The following COL22A1 variants were observed in gnomAD, a reference collection of about 807,000 sequenced individuals.
COL22A1 encodes collagen alpha-1(XXII) chain.
In COL22A1, 221 loss-of-function variants were observed where a neutral mutation model predicts 248.9. The ratio of observed to expected loss-of-function variants is 0.89; its 90% CI spans 0.80 to 0.99. The LOEUF (loss-of-function observed/expected upper bound fraction) is 0.99, where lower values mean the gene tolerates loss of function less well. COL22A1 is among the 50% of genes least tolerant of loss of function. The probability of loss-of-function intolerance (pLI) is 0.00; values close to 1 mark genes in which losing one functional copy is unlikely to be tolerated. For synonymous variants in COL22A1, 891 were observed against 793.4 expected (o/e 1.12, Z -2.07); for missense variants, 2,240 against 2,179.0 (o/e 1.03, Z -0.56).
chr8:138,831,919 A>G (rs1371107628), intron 5 of COL22A1, among the ~76,000 whole-genome samples: 1 of 152,214 alleles, frequency 6.6e-6, no homozygotes, highest in East Asian at 1.9e-4. Context: ...ACTGGGCTGC[A>G]TTCCCAGATG....
At chr8:138,649,864 T>G (rs73432827) in intron 45 of COL22A1, 86 bp from the exon 46 acceptor site, 3 of 768,972 alleles carry the variant, frequency 3.9e-6, no homozygotes, top group Non-Finnish European at 6.2e-6. Flanking sequence ...CTGGCTGCTA[T>G]CTCTCCAGAT....
chr8:138,730,506 C>T (rs1200512346), intron 23 of COL22A1, among the ~76,000 whole-genome samples: 2 of 152,062 alleles, frequency 1.3e-5, no homozygotes, highest in Admixed American at 6.6e-5. Context: ...TCTGGTGTCC[C>T]GGGAAAAGCA....
At chr8:138,844,531 T>C (rs1004226575) in intron 3 of COL22A1, among the ~76,000 whole-genome samples, 3 of 152,106 alleles carry the variant, frequency 2.0e-5, no homozygotes, top group Non-Finnish European at 4.4e-5. Context: ...ACAGATACAA[T>C]AACTAATCTA....
chr8:138,676,454 A>AAAGAAAGAAAGG lies in COL22A1; in HGVS notation c.3150+103_3150+104insCCTTTCTTTCTT, dbSNP rs71582022. On this transcript the variant is annotated intron_variant, in intron 41 of 64. Coordinates refer to ENST00000303045, the MANE Select transcript of COL22A1 (RefSeq NM_152888.3). ...GAAAGAAAGAAAGAAAGAAAGAAAG[A>AAAGAAAGAAAGG]AAGGAAGAAAGAAAGAAAGAAAAGA... 1,604 of 415,366 alleles carry AAAGAAAGAAAGG rather than the reference A, an allele frequency of 3.9e-3. 53 individuals carry two copies. The highest frequency in any genetic ancestry group is 8.2e-3 in the Middle Eastern group (23 of 2,806). The allele number at this position is 415,366 out of a possible 1,614,324, so 25.7% of individuals were successfully genotyped here.
chr8:138,813,095 C>A (rs1374411360), intron 7 of COL22A1, 76 bp from the exon 8 acceptor site: 42 of 1,111,224 alleles, frequency 3.8e-5, no homozygotes, highest in Non-Finnish European at 5.5e-5. Flanking sequence ...TTCACACAGG[C>A]CCCGTCCTGG....
intron 59 of COL22A1, 36 bp downstream of exon 59, chr8:138,604,698 G>C (rs533690433): frequency 6.2e-7 from 1 of 1,602,732 alleles, no homozygotes; most frequent in South Asian, 1.1e-5. Flanking sequence ...TGGTGGTAAA[G>C]GGTTGCCAAG....
intron 6 of COL22A1, among the ~76,000 whole-genome samples, chr8:138,821,900 C>A (rs1024878796): frequency 5.9e-5 from 9 of 152,182 alleles, no homozygotes; most frequent in Non-Finnish European, 1.0e-4. Context: ...GAGGATAAAG[C>A]TGGGGCTCCC....
At chr8:138,630,549 T>A in intron 50 of COL22A1, 146 bp downstream of exon 50, 2 of 708,252 alleles carry the variant, frequency 2.8e-6, no homozygotes, top group East Asian at 2.5e-5. Context: ...TCCAGCAGTT[T>A]CATTGCAAGA....
chr8:138,671,065 C>T (rs969561158), intron 41 of COL22A1, among the ~76,000 whole-genome samples: 1 of 147,424 alleles, frequency 6.8e-6, no homozygotes, highest in African/African-American at 2.5e-5. Flanking sequence ...TGGGCTTGAA[C>T]TGTGTAGGTC....
In COL22A1 at chr8:138,878,261, C is replaced by T. The variant is rs1823904137; in HGVS notation, c.147G>A (p.Val49=). ...GGACCTTCTCAAAGTCCTCCTTGCC[C>T]ACGCTGGAGGAGGTGTCCAGGAGGA... ...LVFLLDTSSS[V]GKEDFEKVRQ... is the part of the protein sequence containing the mutation. The change falls in exon 3 of 65, where the codon GTG becomes GTA. Residue 49 remains valine (V), a synonymous_variant. Coordinates refer to ENST00000303045, the MANE Select transcript of COL22A1 (RefSeq NM_152888.3). 6.3e-7 allele frequency: 1 copy of T among 1,585,110 alleles called. No individual in the cohort carries two copies. The highest frequency in any genetic ancestry group is 1.3e-5 in the African/African-American group (1 of 74,472).
chr8:138,878,454 G>T, intron 2 of COL22A1, 138 bp from the exon 3 acceptor site: 2 of 719,630 alleles, frequency 2.8e-6, no homozygotes, highest in Non-Finnish European at 4.3e-6. Flanking sequence ...AAGGGCCCTG[G>T]GCTGCCTGAA....
intron 27 of COL22A1, among the ~76,000 whole-genome samples, chr8:138,720,393 G>GATA (rs1268706159): frequency 2.0e-4 from 30 of 152,186 alleles, no homozygotes; most frequent in South Asian, 4.2e-4. Context: ...AGACGCTGAT[G>GATA]ATATTCTTCT....
rs73437386 is a variant in COL22A1 at position 138,760,237 on chromosome 8, G to A, written c.1902+6C>T. On this transcript the variant is annotated splice_donor_region_variant and intron_variant, in intron 18 of 64. Coordinates refer to ENST00000303045, the MANE Select transcript of COL22A1 (RefSeq NM_152888.3). Reference sequence around the variant, plus strand: ...CAGAGCCCTTGACAGCCCCAGGCTCGCTCACCTTTTCTCCCTGGGGTCCTG... The same window carrying A: ...CAGAGCCCTTGACAGCCCCAGGCTCACTCACCTTTTCTCCCTGGGGTCCTG... The A allele has an allele frequency of 0.043, 67,680 of 1,569,876 alleles. 1,717 individuals are homozygous for A. Among genetic ancestry groups the A allele is most frequent in the African/African-American group, 0.048 (3,511 of 73,608 alleles).
chr8:138,746,983 C>A (rs16909544), intron 22 of COL22A1, among the ~76,000 whole-genome samples: 3,417 of 152,298 alleles, frequency 0.022, 128 homozygotes, highest in African/African-American at 0.078. Context: ...AAAACCCCAG[C>A]ATGAGCAACC....
chr8:138,613,526 G>C (rs1819073660), intron 56 of COL22A1, among the ~76,000 whole-genome samples: 1 of 152,160 alleles, frequency 6.6e-6, no homozygotes, highest in Non-Finnish European at 1.5e-5. Context: ...CATGGTACTT[G>C]GTTACAGCAG....
At chr8:138,614,633 T>A (rs900560511) in intron 55 of COL22A1, among the ~76,000 whole-genome samples, 3 of 151,530 alleles carry the variant, frequency 2.0e-5, no homozygotes, top group Admixed American at 6.6e-5. Flanking sequence ...GCACCCTGCA[T>A]CACCTTTTCT....
chr8:138,677,185 C>T (rs896230500), intron 40 of COL22A1, among the ~76,000 whole-genome samples: 2 of 152,162 alleles, frequency 1.3e-5, no homozygotes, highest in African/African-American at 4.8e-5. Context: ...TGTCAGAGGC[C>T]TGGATTTAAG....
At chr8:138,907,110 C>T (rs1391492328) in intron 1 of COL22A1, among the ~76,000 whole-genome samples, 1 of 152,210 alleles carries the variant, frequency 6.6e-6, no homozygotes, top group Non-Finnish European at 1.5e-5. Context: ...TGTTCTCCTC[C>T]CAGGGAATTG....
intron 4 of COL22A1, among the ~76,000 whole-genome samples, chr8:138,835,570 G>A (rs1372853312): frequency 1.3e-5 from 2 of 152,182 alleles, no homozygotes; most frequent in Admixed American, 6.5e-5. Context: ...CCAGCTTGCT[G>A]AGTTCGCCAC....
Sources: allele counts gnomAD v4.1 joint callset (sites outside exome capture counted in the v4.1 genomes callset), GRCh38; gene constraint gnomAD v4.1.1; transcripts MANE v1.5; gene names NCBI Gene and HGNC (gene_info 2026-07-23, HGNC 2026-07-21).